THSD4: variants seen among roughly 807,000 people sequenced by gnomAD.
THSD4 encodes the protein thrombospondin type-1 domain-containing protein 4.
In THSD4, 69 loss-of-function variants were observed where a neutral mutation model predicts 119.0. The ratio of observed to expected loss-of-function variants is 0.58; its 90% CI spans 0.48 to 0.71. The LOEUF (loss-of-function observed/expected upper bound fraction) is 0.71, where lower values mean the gene tolerates loss of function less well. THSD4 is among the 30% of genes least tolerant of loss of function. The pLI is 0.00. For missense variants in THSD4, 1,393 were observed against 1,391.1 expected (o/e 1.00, Z -0.02); for synonymous variants, 524 against 540.4 (o/e 0.97, Z 0.42).
intron 10 of THSD4, chr15:71,733,385 C>G (rs1350970008): frequency 6.6e-6 from 1 of 152,170 alleles, no homozygotes; most frequent in Non-Finnish European, 1.5e-5. Context: ...AAGAAAAACC[C>G]TATAAGGTGG....
chr15:71,734,095 C>T (rs976330536), intron 10 of THSD4, among the ~76,000 whole-genome samples: 8 of 152,144 alleles, frequency 5.3e-5, no homozygotes, highest in African/African-American at 1.9e-4. Context: ...AGGCATGAGC[C>T]ACCTCACCCA....
At chr15:71,347,916 C>T (rs766679411) in intron 6 of THSD4, among the ~76,000 whole-genome samples, 1 of 152,148 alleles carries the variant, frequency 6.6e-6, no homozygotes, top group Non-Finnish European at 1.5e-5. Flanking sequence ...CTAACTAGCC[C>T]GTCTCCATAC....
At chr15:71,378,373 A>T (rs1304809750) in intron 6 of THSD4, among the ~76,000 whole-genome samples, 1 of 152,170 alleles carries the variant, frequency 6.6e-6, no homozygotes, top group Non-Finnish European at 1.5e-5. Flanking sequence ...GGCTTTTGTG[A>T]GTAGATGGCT....
chr15:71,314,083 T>G (rs1029022913), intron 6 of THSD4, among the ~76,000 whole-genome samples: 1 of 152,214 alleles, frequency 6.6e-6, no homozygotes, highest in African/African-American at 2.4e-5. Flanking sequence ...TTGAGAATGT[T>G]TATCCTAAGA....
chr15:71,466,980 A>G (rs2047509661), intron 7 of THSD4, among the ~76,000 whole-genome samples: 1 of 152,202 alleles, frequency 6.6e-6, no homozygotes, highest in Non-Finnish European at 1.5e-5. Flanking sequence ...GTCCCCTGTG[A>G]GGCATTGCCC....
intron 7 of THSD4, among the ~76,000 whole-genome samples, chr15:71,558,975 A>G (rs1007045049): frequency 1.3e-5 from 2 of 152,178 alleles, no homozygotes; most frequent in Admixed American, 6.5e-5. Context: ...ATGGCTTAGT[A>G]TGTGAGCAGC....
At chr15:71,599,293 C>G (rs1202232369) in intron 7 of THSD4, among the ~76,000 whole-genome samples, 1 of 151,812 alleles carries the variant, frequency 6.6e-6, no homozygotes, top group Non-Finnish European at 1.5e-5. Flanking sequence ...ATTTTTTTTC[C>G]ATCCAAGTAG....
intron 1 of THSD4, among the ~76,000 whole-genome samples, chr15:71,133,899 T>C (rs2040526312): frequency 6.6e-6 from 1 of 152,224 alleles, no homozygotes; most frequent in African/African-American, 2.4e-5. Context: ...CCTTAACTAA[T>C]CTGTGCTGAT....
intron 7 of THSD4, among the ~76,000 whole-genome samples, chr15:71,527,946 G>A (rs958455457): frequency 2.0e-5 from 3 of 151,908 alleles, no homozygotes; most frequent in African/African-American, 2.4e-5. Flanking sequence ...AAACTCCTGG[G>A]CTCAAGCAAT....
rs963955282 is a variant in THSD4, at chr15:71,664,984, A to G, written c.1357+4250A>G. Among the ~76,000 whole-genome samples, 15 of 152,084 alleles carry G rather than the reference A, an allele frequency of 9.9e-5. No individual in the cohort carries two copies. In the East Asian group the frequency reaches 2.9e-3, roughly 29 times the overall value. ...ATGCATGTGTCTTTATGGTAGGATG[A>G]TTTACATTCCTTTGGGTATATACCC... On this transcript the variant is annotated intron_variant, in intron 8 of 17. Coordinates refer to ENST00000261862, the MANE Select transcript of THSD4 (RefSeq NM_024817.3).
chr15:71,693,169 T>G (rs1463424413), intron 8 of THSD4, among the ~76,000 whole-genome samples: 1 of 152,112 alleles, frequency 6.6e-6, no homozygotes, highest in Non-Finnish European at 1.5e-5. Context: ...AGGAAAACCT[T>G]TTAGTAGACA....
intron 10 of THSD4, among the ~76,000 whole-genome samples, chr15:71,736,254 G>C (rs1426912454): frequency 8.6e-6 from 1 of 116,478 alleles, no homozygotes; most frequent in Non-Finnish European, 1.8e-5. Flanking sequence ...CATCTCTCTT[G>C]CTCTCTGTCT....
At chr15:71,146,159 C>G (rs1338218359) in intron 2 of THSD4, among the ~76,000 whole-genome samples, 1 of 152,196 alleles carries the variant, frequency 6.6e-6, no homozygotes, top group Non-Finnish European at 1.5e-5. Context: ...ATAACACACA[C>G]ACACACCTTC....
intron 7 of THSD4, among the ~76,000 whole-genome samples, chr15:71,444,791 A>T (rs2047156670): frequency 6.6e-6 from 1 of 152,128 alleles, no homozygotes; most frequent in Admixed American, 6.5e-5. Flanking sequence ...TCTTCTTTGG[A>T]CCATTGCAGT....
intron 7 of THSD4, among the ~76,000 whole-genome samples, chr15:71,639,292 G>T (rs997017374): frequency 6.6e-6 from 1 of 152,118 alleles, no homozygotes; most frequent in Non-Finnish European, 1.5e-5. Flanking sequence ...GTAAATCCTG[G>T]TAGCTTGCAT....
At chr15:71,531,723 C>T (rs984443993) in intron 7 of THSD4, among the ~76,000 whole-genome samples, 1 of 152,198 alleles carries the variant, frequency 6.6e-6, no homozygotes, top group Non-Finnish European at 1.5e-5. Flanking sequence ...AAATGTTGTT[C>T]TTTTGTTGAA....
At chr15:71,693,610 G>A (rs146853430) in intron 8 of THSD4, among the ~76,000 whole-genome samples, 2 of 152,138 alleles carry the variant, frequency 1.3e-5, no homozygotes, top group Non-Finnish European at 2.9e-5. Flanking sequence ...CACTTGATAT[G>A]GTTTGGCTGT....
At chr15:71,588,072 C>T (rs540807224) in intron 7 of THSD4, among the ~76,000 whole-genome samples, 40 of 151,868 alleles carry the variant, frequency 2.6e-4, no homozygotes, top group African/African-American at 9.2e-4. Context: ...TTTGGGAGGC[C>T]GAGGTGGGCG....
At chr15:71,537,522 C>T (rs1333453447) in intron 7 of THSD4, among the ~76,000 whole-genome samples, 1 of 152,102 alleles carries the variant, frequency 6.6e-6, no homozygotes, top group African/African-American at 2.4e-5. Flanking sequence ...CTAATGAGGA[C>T]AATCTCCCTA....
Sources: allele counts gnomAD v4.1 joint callset (sites outside exome capture counted in the v4.1 genomes callset), GRCh38; gene constraint gnomAD v4.1.1; transcripts MANE v1.5; gene names NCBI Gene and HGNC (gene_info 2026-07-23, HGNC 2026-07-21).